The following HERC1 variants were observed in gnomAD, a reference collection of about 807,000 sequenced individuals.
The protein encoded by HERC1 is HECT and RLD domain containing E3 ubiquitin protein ligase family member 1.
Under a neutral mutation model 554.3 loss-of-function variants are expected in HERC1, and 160 were observed. The ratio of observed to expected loss-of-function variants is 0.29; its 90% CI spans 0.25 to 0.33. HERC1 has a LOEUF of 0.33. Among genes scored for constraint, HERC1 ranks in the 10% least tolerant of loss-of-function variants. The probability of loss-of-function intolerance (pLI) is 1.00; values close to 1 mark genes in which losing one functional copy is unlikely to be tolerated. For missense variants in HERC1, 4,919 were observed against 5,918.5 expected (o/e 0.83, Z 5.54); for synonymous variants, 2,175 against 2,131.7 (o/e 1.02, Z -0.56).
chr15:63,719,569 C>G (rs77989708), intron 19 of HERC1, among the ~76,000 whole-genome samples: 3,127 of 152,332 alleles, frequency 0.021, 99 homozygotes, highest in African/African-American at 0.072. Context: ...TGAAAGCTCA[C>G]TCTGCTGAGT....
intron 1 of HERC1, among the ~76,000 whole-genome samples, chr15:63,781,513 C>T (rs948130226): frequency 6.6e-6 from 1 of 152,058 alleles, no homozygotes; most frequent in Admixed American, 6.6e-5. Context: ...CAAAGCACAC[C>T]CATATAAGAT....
chr15:63,800,770 G>C (rs753345282), intron 1 of HERC1, among the ~76,000 whole-genome samples: 1 of 152,202 alleles, frequency 6.6e-6, no homozygotes, highest in Non-Finnish European at 1.5e-5. Context: ...GGGAATAGGA[G>C]CATCTTTTGT....
At chr15:63,646,242 C>T (rs944637823) in intron 55 of HERC1, among the ~76,000 whole-genome samples, 5 of 152,128 alleles carry the variant, frequency 3.3e-5, no homozygotes, top group Admixed American at 1.3e-4. Flanking sequence ...AACTGGCAAC[C>T]TCTGTTTAAG....
At position 63,642,877 on chromosome 15, in the gene HERC1, T is replaced by C. The variant is rs905749795; in HGVS notation, c.11433+80A>G. 6 of 814,758 alleles carry C rather than the reference T, an allele frequency of 7.4e-6. No homozygotes were observed. The African/African-American group carries it at 8.5e-5, about 11-fold the overall frequency. 50.5% of individuals were successfully genotyped at this position (814,758 alleles called of 1,614,324 possible). On this transcript the variant is annotated intron_variant, in intron 59 of 77. Transcript: ENST00000443617. ...CTCTGGACATCAGGTTTCTCCTCCA[T>C]AAAGTGGGGTGGTTAGACTATGATT...
At chr15:63,744,142 GTGTGTGTGTGTGTGTGTGTGTGTCTCTC>G (rs2074949629) in intron 12 of HERC1, among the ~76,000 whole-genome samples, 2 of 41,650 alleles carry the variant, frequency 4.8e-5, no homozygotes, top group African/African-American at 1.4e-4. Context: ...GTGTGTGTGT[GTGTGTGTGTGTGTGTGTGTGTGTCTCTC>G]TCTCTCTCTC....
chr15:63,725,920 G>T (rs1351007696), intron 17 of HERC1, among the ~76,000 whole-genome samples: 2 of 151,946 alleles, frequency 1.3e-5, no homozygotes, highest in East Asian at 3.9e-4. Flanking sequence ...TGCTTTTTAA[G>T]GCCTGAATTC....
At chr15:63,791,186 T>G (rs1463124630) in intron 1 of HERC1, among the ~76,000 whole-genome samples, 1 of 152,216 alleles carries the variant, frequency 6.6e-6, no homozygotes, top group Non-Finnish European at 1.5e-5. Flanking sequence ...CCAGACACTC[T>G]GAGATAGTTT....
chr15:63,818,477 A>G (rs542923418), intron 1 of HERC1, among the ~76,000 whole-genome samples: 2 of 152,240 alleles, frequency 1.3e-5, no homozygotes, highest in African/African-American at 4.8e-5. Context: ...AAAATAACAG[A>G]AAGAACTGAA....
Position 63,623,658 on chromosome 15 carries a change from C to T in HERC1, c.13611+67G>A, listed in dbSNP as rs1280665868. On this transcript the variant is annotated intron_variant, in intron 73 of 77. Transcript: ENST00000443617. The stretch of plus-strand genomic sequence containing the variant: ...ATAAAAACATGCCTGGCAGAGTGAT[C>T]ACTGGAAACAGCAAAATGGCCACTA... 2.1e-6 allele frequency: 3 copies of T among 1,448,184 alleles called. No homozygotes were observed. In the African/African-American group the frequency reaches 4.2e-5, roughly 20 times the overall value. 89.7% of individuals were successfully genotyped at this position (1,448,184 alleles called of 1,614,324 possible). A position where few individuals can be genotyped will look rare whatever the true frequency, so the allele number is the denominator to read the frequency against.
intron 38 of HERC1, among the ~76,000 whole-genome samples, chr15:63,673,416 A>G (rs532375976): frequency 1.1e-4 from 17 of 152,342 alleles, no homozygotes; most frequent in African/African-American, 3.4e-4. Flanking sequence ...AAGAAAAGGA[A>G]TAAGTACAAA....
At chr15:63,753,193 C>T in intron 7 of HERC1, 108 bp from the exon 8 acceptor site, 1 of 717,176 alleles carries the variant, frequency 1.4e-6, no homozygotes. Context: ...ACTAACCTGG[C>T]AGATATGAAA....
intron 1 of HERC1, among the ~76,000 whole-genome samples, chr15:63,798,751 T>C: frequency 6.6e-6 from 1 of 152,216 alleles, no homozygotes; most frequent in Non-Finnish European, 1.5e-5. Context: ...ATCATAGTGT[T>C]TGTTAAATTA....
At chr15:63,616,376 T>A in intron 75 of HERC1, 54 bp downstream of exon 75, 4 of 1,548,686 alleles carry the variant, frequency 2.6e-6, no homozygotes, top group Non-Finnish European at 3.5e-6. Context: ...AAAATTCTAG[T>A]CTGTGCATAT....
intron 14 of HERC1, among the ~76,000 whole-genome samples, chr15:63,730,967 A>G (rs1325123081): frequency 6.6e-6 from 1 of 152,224 alleles, no homozygotes; most frequent in Non-Finnish European, 1.5e-5. Flanking sequence ...GACTGCTACT[A>G]TAATATTTTT....
In HERC1 at chr15:63,696,309, C is replaced by G; in HGVS notation, c.4936G>C (p.Val1646Leu). Residue 1646 changes from valine (V) to leucine (L), a missense_variant, in exon 27 of 78, where the codon GTT becomes CTT. Around this residue, in one of 11 missense-constraint regions of HERC1, gnomAD observed 1,121 missense variants for 1,244.0 expected, o/e 0.90. Transcript: ENST00000443617. Reference sequence around the variant, plus strand: ...TTTTCTTCCATCCCAGACAATAGAACGAGGATCTGATGAAGTGCCTCTAAA... The same window carrying G: ...TTTTCTTCCATCCCAGACAATAGAAGGAGGATCTGATGAAGTGCCTCTAAA... ...LRLEALHQIL[V>L]LLSGMEEKGS... is the part of the protein sequence containing the mutation. The G allele has an allele frequency of 6.2e-7, 1 of 1,612,582 alleles. No homozygotes were observed. Among genetic ancestry groups the G allele is most frequent in the Non-Finnish European group, 8.5e-7 (1 of 1,179,352 alleles).
chr15:63,702,094 T>C (rs2072751684), intron 25 of HERC1, among the ~76,000 whole-genome samples: 1 of 152,128 alleles, frequency 6.6e-6, no homozygotes, highest in Admixed American at 6.6e-5. Context: ...TTATAAACCA[T>C]AAAATATGTA....
At chr15:63,759,812 G>A (rs2075548738) in intron 3 of HERC1, among the ~76,000 whole-genome samples, 1 of 152,332 alleles carries the variant, frequency 6.6e-6, no homozygotes, top group African/African-American at 2.4e-5. Context: ...TGAAATGGGA[G>A]AGGATAGGGT....
rs60037018 is a variant in HERC1 at position 63,829,561 on chromosome 15, GTATATA to G, written c.-27+4260_-27+4265del. Among the ~76,000 whole-genome samples, 670 of 81,680 alleles carry G rather than the reference GTATATA, an allele frequency of 8.2e-3. 8 individuals carry two copies. Among genetic ancestry groups the G allele is most frequent in the African/African-American group, 0.013 (252 of 19,270 alleles). The allele number at this position is 81,680 out of a possible 152,430, so 53.6% of individuals were successfully genotyped here. A position where few individuals can be genotyped will look rare whatever the true frequency, so the allele number is the denominator to read the frequency against. On this transcript the variant is annotated intron_variant, in intron 1 of 77. Coordinates refer to ENST00000443617, the MANE Select transcript of HERC1 (RefSeq NM_003922.4). ...TATATGTATGTGTGTGTGTGTGTGT[GTATATA>G]TATATATATATATATATATATATAT...
intron 2 of HERC1, among the ~76,000 whole-genome samples, chr15:63,772,654 T>C (rs1439303895): frequency 6.6e-6 from 1 of 151,958 alleles, no homozygotes; most frequent in Non-Finnish European, 1.5e-5. Flanking sequence ...GATTTGAATA[T>C]TGAATAAGAA....
Sources: allele counts gnomAD v4.1 joint callset (sites outside exome capture counted in the v4.1 genomes callset), GRCh38; gene constraint gnomAD v4.1.1; regional missense constraint gnomAD v4.1.1; transcripts MANE v1.5; gene names NCBI Gene and HGNC (gene_info 2026-07-23, HGNC 2026-07-21).